Variants in PTCD2 observed in about 807,000 individuals in gnomAD.
The protein encoded by PTCD2 is pentatricopeptide repeat-containing protein 2, mitochondrial.
In PTCD2, 31 loss-of-function variants were observed where a neutral mutation model predicts 42.6. The observed-to-expected ratio is 0.73, with a 90% CI of 0.55 to 0.98. The LOEUF (loss-of-function observed/expected upper bound fraction) is 0.98. PTCD2 is among the 50% of genes least tolerant of loss of function. The probability of loss-of-function intolerance (pLI) is 0.00; values close to 1 mark genes in which losing one functional copy is unlikely to be tolerated. For missense variants in PTCD2, 476 were observed against 454.8 expected, an observed-to-expected ratio of 1.05 and a Z score of -0.42; for synonymous variants, 183 against 170.9, an observed-to-expected ratio of 1.07 and a Z score of -0.55.
intron 7 of PTCD2, 31 bp from the exon 8 acceptor site, chr5:72,342,931 A>G: frequency 1.4e-6 from 2 of 1,386,272 alleles, no homozygotes; most frequent in Non-Finnish European, 2.0e-6. Context: ...TTCCTATGAT[A>G]TGGAATATGA....
At chr5:72,339,744 T>G (rs2112178586) in intron 7 of PTCD2, among the ~76,000 whole-genome samples, 1 of 145,236 alleles carries the variant, frequency 6.9e-6, no homozygotes, top group Admixed American at 6.7e-5. Context: ...CACTGTTTGG[T>G]GCACAGATAC....
rs561998599 is a variant in PTCD2, at chr5:72,354,003, G to T, written c.942+1249G>T. Among the ~76,000 whole-genome samples the T allele has an allele frequency of 3.3e-5, 5 of 152,230 alleles. No individual in the cohort carries two copies. The South Asian group carries it at 1.0e-3, about 32-fold the overall frequency. On this transcript the variant is annotated intron_variant, in intron 9 of 9. Transcript: ENST00000380639. ...GTGATAAATTTGACTAAATAAAAAT[G>T]TTAAAACCTGTTTTTTCATGTGGCA...
chr5:72,353,776 A>G (rs1053931985), intron 9 of PTCD2, among the ~76,000 whole-genome samples: 1 of 152,256 alleles, frequency 6.6e-6, no homozygotes, highest in Non-Finnish European at 1.5e-5. Context: ...AAGAAGTAGT[A>G]CTAGGATAAG....
chr5:72,327,867 C>T (rs1017906828), intron 3 of PTCD2, among the ~76,000 whole-genome samples: 1 of 152,146 alleles, frequency 6.6e-6, no homozygotes, highest in Admixed American at 6.5e-5. Context: ...ATAAAGAATA[C>T]TGGAAGATTC....
chr5:72,358,646 CT>C lies in PTCD2; in HGVS notation c.*221del. On this transcript the variant is annotated 3_prime_UTR_variant, in exon 10 of 10. Transcript: ENST00000380639. ...CAAGCTTGGCTCCCTCAGAAAGGCG[CT>C]TCCCTTTTGCATGGCTGAGGATCCT... is the stretch of plus-strand genomic sequence containing the variant. The C allele has an allele frequency of 1.8e-6, 1 of 567,274 alleles. No individual in the cohort carries two copies. The highest frequency in any genetic ancestry group is 3.2e-6 in the Non-Finnish European group (1 of 317,316). 35.1% of individuals were successfully genotyped at this position (567,274 alleles called of 1,614,324 possible).
chr5:72,326,229 T>A (rs1751129933), intron 2 of PTCD2, among the ~76,000 whole-genome samples: 1 of 152,226 alleles, frequency 6.6e-6, no homozygotes, highest in Non-Finnish European at 1.5e-5. Flanking sequence ...TGGCTACATT[T>A]TCTTTCTTTT....
Position 72,362,172 on chromosome 5 carries a change from G to A in PTCD2, c.*3745G>A, listed in dbSNP as rs772388662. 3.3e-5 allele frequency: 5 copies of A among 152,216 alleles called. No homozygotes were observed. The highest frequency in any genetic ancestry group is 4.8e-5 in the African/African-American group (2 of 41,436). The allele number at this position is 152,216 out of a possible 1,614,324, so 9.4% of individuals were successfully genotyped here. A position where few individuals can be genotyped will look rare whatever the true frequency, so the allele number is the denominator to read the frequency against. On this transcript the variant is annotated 3_prime_UTR_variant, in exon 10 of 10. Coordinates refer to ENST00000380639, the MANE Select transcript of PTCD2 (RefSeq NM_024754.5). ...CATACACTCAGTGCAGGGTCTGAATGTCCCCCCAAACTCATATGTTGAACT... is the reference window on the plus strand; with the variant it reads ...CATACACTCAGTGCAGGGTCTGAATATCCCCCCAAACTCATATGTTGAACT...
At chr5:72,337,158 T>G (rs1409494136) in intron 6 of PTCD2, among the ~76,000 whole-genome samples, 2 of 152,124 alleles carry the variant, frequency 1.3e-5, no homozygotes, top group Admixed American at 6.5e-5. Flanking sequence ...TCAGCAAACT[T>G]TTTTTATGAA....
intron 3 of PTCD2, among the ~76,000 whole-genome samples, chr5:72,329,864 CT>C (rs1751344457): frequency 6.6e-6 from 1 of 152,072 alleles, no homozygotes; most frequent in African/African-American, 2.4e-5. Flanking sequence ...CCCTTAACCA[CT>C]ATCCTATATT....
Position 72,335,025 on chromosome 5 carries a change from G to A in PTCD2, c.476G>A (p.Arg159Gln), listed in dbSNP as rs776046839. Residue 159 changes from arginine (R) to glutamine (Q), a missense_variant, in exon 5 of 10, where the codon CGA (arginine) becomes CAA (glutamine). Coordinates refer to ENST00000380639, the MANE Select transcript of PTCD2 (RefSeq NM_024754.5). Reference protein sequence around the residue: ...AVELMKDQHLRGFFSDSTSFN... With the variant: ...AVELMKDQHLQGFFSDSTSFN... ...ATTGTTCTTCTTCGTTAGCATTTACGAGGTTTCTTCTCAGACTCCACATCA... is the reference window on the plus strand; with the variant it reads ...ATTGTTCTTCTTCGTTAGCATTTACAAGGTTTCTTCTCAGACTCCACATCA... 41 of 1,587,750 alleles carry A rather than the reference G, an allele frequency of 2.6e-5. No homozygotes were observed. The highest frequency in any genetic ancestry group is 2.2e-5 in the Non-Finnish European group (26 of 1,157,028).
In PTCD2 at chr5:72,320,440, G is replaced by A. The variant is rs768173762; in HGVS notation, c.58G>A (p.Ala20Thr). ...GCCCTCGAATCGAGTTCTCCTGCAG[G>A]CGCTGCAGATTTTGGTGTATCCTGG... is the stretch of plus-strand genomic sequence containing the variant. ...FRPSNRVLLQ[A>T]LQILVYPGVG... The change falls in exon 1 of 10, where the codon GCG becomes ACG. Residue 20 changes from alanine to threonine, a missense_variant. By Grantham distance (58) the Ala-to-Thr change is moderately conservative (BLOSUM62 0). Coordinates refer to ENST00000380639, the MANE Select transcript of PTCD2 (RefSeq NM_024754.5). 4 of 1,614,078 alleles carry A rather than the reference G, an allele frequency of 2.5e-6. No individual in the cohort carries two copies. Among genetic ancestry groups the A allele is most frequent in the Non-Finnish European group, 2.5e-6 (3 of 1,180,050 alleles).
intron 2 of PTCD2, among the ~76,000 whole-genome samples, chr5:72,323,466 G>A (rs1750970655): frequency 1.3e-5 from 2 of 152,058 alleles, no homozygotes; most frequent in Non-Finnish European, 2.9e-5. Flanking sequence ...TGTGGATGCA[G>A]CAGTGGTCCC....
At chr5:72,323,635 C>T (rs1218347867) in intron 2 of PTCD2, among the ~76,000 whole-genome samples, 3 of 152,054 alleles carry the variant, frequency 2.0e-5, no homozygotes, top group Admixed American at 6.6e-5. Context: ...CTGATTAACA[C>T]ATTAACATTC....
intron 8 of PTCD2, among the ~76,000 whole-genome samples, chr5:72,343,440 T>C (rs28612325): frequency 6.6e-6 from 1 of 152,252 alleles, no homozygotes; most frequent in Non-Finnish European, 1.5e-5. Flanking sequence ...ACCTAACTCA[T>C]GGCATTGTTG....
intron 5 of PTCD2, chr5:72,335,553 T>A (rs1290490181): frequency 2.5e-6 from 1 of 406,738 alleles, no homozygotes; most frequent in East Asian, 3.9e-5. Flanking sequence ...ATGTCATCCC[T>A]TAAACTAAAT....
rs1399976820 is a variant in PTCD2, at chr5:72,366,843, A to G, written c.*8416A>G. The G allele has an allele frequency of 2.0e-5, 3 of 152,238 alleles. No individual in the cohort carries two copies. The highest frequency in any genetic ancestry group is 2.0e-4 in the Admixed American group (3 of 15,280). 9.4% of individuals were successfully genotyped at this position (152,238 alleles called of 1,614,324 possible). On this transcript the variant is annotated 3_prime_UTR_variant, in exon 10 of 10. Transcript: ENST00000380639. Reference sequence around the variant, plus strand: ...TGCGTGTACACGTGAGCACACATGCACACACACATTAGATGTTTTGTGAGA... The same window carrying G: ...TGCGTGTACACGTGAGCACACATGCGCACACACATTAGATGTTTTGTGAGA...
At chr5:72,352,466 G>A (rs1395812141) in intron 8 of PTCD2, among the ~76,000 whole-genome samples, 175 bp from the exon 9 acceptor site, 1 of 152,140 alleles carries the variant, frequency 6.6e-6, no homozygotes, top group Non-Finnish European at 1.5e-5. Context: ...AGCACATTTT[G>A]GCTCGTAAGT....
At chr5:72,356,664 T>C (rs1169931113) in intron 9 of PTCD2, among the ~76,000 whole-genome samples, 1 of 152,226 alleles carries the variant, frequency 6.6e-6, no homozygotes, top group Non-Finnish European at 1.5e-5. Flanking sequence ...ACTGTTACAG[T>C]TTTTAGATCA....
chr5:72,353,194 T>A (rs1169943965), intron 9 of PTCD2, among the ~76,000 whole-genome samples: 1 of 152,174 alleles, frequency 6.6e-6, no homozygotes, highest in East Asian at 1.9e-4. Flanking sequence ...TATATACCCA[T>A]GATGACTGGA....
Sources: gnomAD v4.1 joint callset for allele counts (sites outside exome capture counted in the v4.1 genomes callset) on GRCh38, gnomAD v4.1.1 for gene constraint, MANE v1.5 for transcripts, NCBI Gene and HGNC (gene_info 2026-07-23, HGNC 2026-07-21) for gene names.